The following SDCBP2 variants were observed in gnomAD, a reference collection of about 807,000 sequenced individuals.
SDCBP2 encodes the protein syntenin-2.
A neutral mutation model predicts 30.7 loss-of-function variants in SDCBP2; 28 were observed. The observed-to-expected ratio is 0.91, with a 90% CI of 0.68 to 1.25. The LOEUF is 1.25. SDCBP2 is among the 50% of genes most tolerant of loss of function. The pLI, the probability that SDCBP2 is intolerant of heterozygous loss-of-function variation, is 0.00. For synonymous variants in SDCBP2, 166 were observed against 157.3 expected (o/e 1.06, Z -0.41); for missense variants, 399 against 379.0 (o/e 1.05, Z -0.44).
chr20:1,319,768 G>A lies in SDCBP2; in HGVS notation c.55-109C>T, dbSNP rs868058928. 2.6e-5 allele frequency: 22 copies of A among 844,416 alleles called. No homozygotes were observed. The Middle Eastern group carries it at 1.1e-3, about 42-fold the overall frequency. 52.3% of individuals were successfully genotyped at this position (844,416 alleles called of 1,614,324 possible). ...GGGCATTAGGGGTGTGAGTGGGCCC[G>A]GGGTGTGGGGGGAGTGTGCACCAAC... On this transcript the variant is annotated intron_variant, in intron 2 of 8. Coordinates refer to ENST00000360779, the MANE Select transcript of SDCBP2 (RefSeq NM_080489.5).
At chr20:1,322,969 C>T (rs537736910) in intron 1 of SDCBP2, 23 of 151,588 alleles carry the variant, frequency 1.5e-4, no homozygotes, top group African/African-American at 5.6e-4. Context: ...AAACATTTGG[C>T]AAGGCAAGAG....
In SDCBP2 at chr20:1,313,615, C is replaced by T. The variant is rs1038136023; in HGVS notation, c.226-117G>A. On this transcript the variant is annotated intron_variant, in intron 4 of 8. Coordinates refer to ENST00000360779, the MANE Select transcript of SDCBP2 (RefSeq NM_080489.5). The surrounding 1 kb of genome is among the most constrained non-coding windows in gnomAD (Gnocchi z 5.2). Reference sequence around the variant, plus strand: ...GGATGGAGCCGTCCCCGGGTCCCCCCACGTCCCCAGTCCACGCTTCTCCCC... The same window carrying T: ...GGATGGAGCCGTCCCCGGGTCCCCCTACGTCCCCAGTCCACGCTTCTCCCC... 5 of 1,425,592 alleles carry T rather than the reference C, an allele frequency of 3.5e-6. No individual in the cohort carries two copies. The highest frequency in any genetic ancestry group is 2.6e-5 in the East Asian group (1 of 38,582). 88.3% of individuals were successfully genotyped at this position (1,425,592 alleles called of 1,614,324 possible).
In SDCBP2 at chr20:1,314,508, A is replaced by AAAG. The variant is rs1167994587; in HGVS notation, c.226-1011_226-1010insCTT. ...CACCTCAAAAAAAAAAAAAAAAAAA[A>AAAG]AAAGGAAAGGAAAGGAAAGGAAAAG... On this transcript the variant is annotated intron_variant, in intron 4 of 8. Coordinates refer to ENST00000360779, the MANE Select transcript of SDCBP2 (RefSeq NM_080489.5). Among the ~76,000 whole-genome samples the AAAG allele has an allele frequency of 2.6e-4, 38 of 144,480 alleles. 1 individual carries two copies. Among genetic ancestry groups the AAAG allele is most frequent in the African/African-American group, 8.9e-4 (34 of 38,180 alleles). The allele number at this position is 144,480 out of a possible 152,430, so 94.8% of individuals were successfully genotyped here.
chr20:1,314,995 G>A (rs12624916), intron 4 of SDCBP2, among the ~76,000 whole-genome samples: 18,398 of 152,088 alleles, frequency 0.12, 1,778 homozygotes, highest in East Asian at 0.56. Flanking sequence ...GCAGATCCAG[G>A]GAAGGTTAGT....
intron 3 of SDCBP2, among the ~76,000 whole-genome samples, chr20:1,318,957 C>T (rs1335606005): frequency 6.6e-6 from 1 of 152,224 alleles, no homozygotes; most frequent in African/African-American, 2.4e-5. Flanking sequence ...TTCCAGCCTC[C>T]AGAGCTGTGG....
At position 1,310,335 on chromosome 20, in the gene SDCBP2, C is replaced by G; in HGVS notation, c.*106G>C. 2 of 1,194,728 alleles carry G rather than the reference C, an allele frequency of 1.7e-6. No individual in the cohort carries two copies. Among genetic ancestry groups the G allele is most frequent in the Non-Finnish European group, 2.4e-6 (2 of 817,686 alleles). 74.0% of individuals were successfully genotyped at this position (1,194,728 alleles called of 1,614,324 possible). A position where few individuals can be genotyped will look rare whatever the true frequency, so the allele number is the denominator to read the frequency against. Reference sequence around the variant, plus strand: ...CTGGACACGCCCCCCTCATGGCAGCCCCCACCTTAAGCAGCAGGCCGGCTG... The same window carrying G: ...CTGGACACGCCCCCCTCATGGCAGCGCCCACCTTAAGCAGCAGGCCGGCTG... On this transcript the variant is annotated 3_prime_UTR_variant, in exon 9 of 9. Transcript: ENST00000360779.
chr20:1,326,456 C>T (rs1203581853), intron 1 of SDCBP2, among the ~76,000 whole-genome samples: 1 of 152,224 alleles, frequency 6.6e-6, no homozygotes, highest in Non-Finnish European at 1.5e-5. Flanking sequence ...TTCCAGACTA[C>T]TTTAGGTTGA....
chr20:1,319,058 T>A (rs2088818366), intron 3 of SDCBP2, among the ~76,000 whole-genome samples: 1 of 152,200 alleles, frequency 6.6e-6, no homozygotes, highest in Non-Finnish European at 1.5e-5. Flanking sequence ...TTCTGGCCCC[T>A]TCTCTCTTTG....
At position 1,313,199 on chromosome 20, in the gene SDCBP2, TGG is replaced by T; in HGVS notation, c.384+139_384+140del. On this transcript the variant is annotated intron_variant, in intron 5 of 8. Transcript: ENST00000360779. This position sits in a 1 kb window ranked among gnomAD's most constrained non-coding sequence, Gnocchi z 5.2. ...CGCCCGGGTCTCGGGGAGGAGGGAC[TGG>T]GGGCAAGAGCCTGGCCGCTGGGGTT... is the stretch of plus-strand genomic sequence containing the variant. 1.1e-6 allele frequency: 1 copy of T among 882,890 alleles called. No individual in the cohort carries two copies. Among genetic ancestry groups the T allele is most frequent in the Non-Finnish European group, 1.7e-6 (1 of 572,592 alleles). 54.7% of individuals were successfully genotyped at this position (882,890 alleles called of 1,614,324 possible).
chr20:1,316,767 A>G (rs529599051), intron 4 of SDCBP2, among the ~76,000 whole-genome samples: 1 of 152,220 alleles, frequency 6.6e-6, no homozygotes, highest in South Asian at 2.1e-4. Flanking sequence ...TCCTAGAGAA[A>G]TGAAAACGTA....
At chr20:1,311,568 G>A (rs931606632) in intron 7 of SDCBP2, among the ~76,000 whole-genome samples, 2 of 152,110 alleles carry the variant, frequency 1.3e-5, no homozygotes, top group South Asian at 2.1e-4. Context: ...TATGTTATCT[G>A]GTTATGTGTT....
At position 1,313,450 on chromosome 20, in the gene SDCBP2, C is replaced by G. The variant is rs753344660; in HGVS notation, c.274G>C (p.Gly92Arg). The G allele has an allele frequency of 1.4e-4, 217 of 1,600,518 alleles. No individual in the cohort carries two copies. Among genetic ancestry groups the G allele is most frequent in the Non-Finnish European group, 1.8e-4 (210 of 1,175,628 alleles). ...GPGQMVAPVT[G>R]YSLGVRRAEI... is the part of the protein sequence containing the mutation. Reference sequence around the variant, plus strand: ...GCTCGCCGCACGCCCAGGCTGTACCCGGTTACCGGTGCCACCATCTGGCCG... The same window carrying G: ...GCTCGCCGCACGCCCAGGCTGTACCGGGTTACCGGTGCCACCATCTGGCCG... Residue 92 changes from glycine (G) to arginine (R), a missense_variant, in exon 5 of 9, where the codon GGG becomes CGG. Gly to Arg is a moderately radical substitution (Grantham distance 125). Coordinates refer to ENST00000360779, the MANE Select transcript of SDCBP2 (RefSeq NM_080489.5). The surrounding 1 kb of genome is among the most constrained non-coding windows in gnomAD (Gnocchi z 5.2).
Position 1,313,382 on chromosome 20 carries a change from G to A in SDCBP2, c.342C>T (p.Asp114=), listed in dbSNP as rs755765635. 2.5e-6 allele frequency: 4 copies of A among 1,611,156 alleles called. No individual in the cohort carries two copies. Among genetic ancestry groups the A allele is most frequent in the Non-Finnish European group, 3.4e-6 (4 of 1,179,490 alleles). ...PGVREIHLCK[D]ERGKTGLRLR... ...GCCTCAGCCCGGTCTTGCCGCGCTC[G>A]TCCTTGCACAGGTGGATCTCGCGCA... The change falls in exon 5 of 9, where the codon GAC becomes GAT. Residue 114 remains aspartate, a synonymous_variant. Coordinates refer to ENST00000360779, the MANE Select transcript of SDCBP2 (RefSeq NM_080489.5). This position sits in a 1 kb window ranked among gnomAD's most constrained non-coding sequence, Gnocchi z 5.2.
At chr20:1,312,045 G>T (rs74380783) in intron 7 of SDCBP2, among the ~76,000 whole-genome samples, 4,548 of 151,842 alleles carry the variant, frequency 0.03, 195 homozygotes, top group African/African-American at 0.097. Context: ...GACTACAGGT[G>T]TGCACCACCA....
chr20:1,314,296 C>G (rs1258683398), intron 4 of SDCBP2, among the ~76,000 whole-genome samples: 1 of 151,820 alleles, frequency 6.6e-6, no homozygotes, highest in Non-Finnish European at 1.5e-5. Flanking sequence ...CAAGACTAGC[C>G]TGGGCAACTG....
rs181846576 is a variant in SDCBP2 at position 1,310,585 on chromosome 20, T to C, written c.825-90A>G. On this transcript the variant is annotated intron_variant, in intron 8 of 8. Coordinates refer to ENST00000360779, the MANE Select transcript of SDCBP2 (RefSeq NM_080489.5). ...CCCCCTTCCGAGCCAGTGCATCCCA[T>C]GTGGGCCTTCACTCCCAGTTCTAAG... 7.8e-6 allele frequency: 10 copies of C among 1,283,910 alleles called. No individual in the cohort carries two copies. In the African/African-American group the frequency reaches 1.2e-4, roughly 15 times the overall value. 79.5% of individuals were successfully genotyped at this position (1,283,910 alleles called of 1,614,324 possible).
At chr20:1,318,768 A>C (rs1273306644) in intron 3 of SDCBP2, among the ~76,000 whole-genome samples, 2 of 152,174 alleles carry the variant, frequency 1.3e-5, no homozygotes, top group Admixed American at 1.3e-4. Context: ...AAGAGACAAC[A>C]GAGGGCTCAT....
intron 5 of SDCBP2, 106 bp from the exon 6 acceptor site, chr20:1,312,868 GC>G: frequency 7.9e-7 from 1 of 1,264,430 alleles, no homozygotes; most frequent in Non-Finnish European, 1.1e-6. Flanking sequence ...CCTACAGGGT[GC>G]CAGGGACACA....
Position 1,313,485 on chromosome 20 carries a change from CCCGAGA to C in SDCBP2, c.233_238del (p.Val78_Ser79del), listed in dbSNP as rs761253728. ...TGCCACCATCTGGCCGGGCCCGGGG[CCCGAGA>C]CCGCTGTCTGCAGACACCAGGGGGC... On this transcript the variant is annotated inframe_deletion, in exon 5 of 9. Transcript: ENST00000360779. The surrounding 1 kb of genome is among the most constrained non-coding windows in gnomAD (Gnocchi z 5.2). 1.2e-5 allele frequency: 19 copies of C among 1,590,644 alleles called. No homozygotes were observed. Among genetic ancestry groups the C allele is most frequent in the Non-Finnish European group, 1.4e-5 (17 of 1,172,506 alleles).
Sources: gnomAD v4.1 joint callset for allele counts (sites outside exome capture counted in the v4.1 genomes callset) on GRCh38, gnomAD v4.1.1 for gene constraint, Gnocchi (gnomAD v3.1) non-coding constraint, MANE v1.5 for transcripts, NCBI Gene and HGNC (gene_info 2026-07-23, HGNC 2026-07-21) for gene names.